Variants in UBE2U observed in about 807,000 individuals in gnomAD.
The protein encoded by UBE2U is ubiquitin conjugating enzyme E2 U, also known as ubiquitin-conjugating enzyme E2 U.
UBE2U carries 39 observed loss-of-function variants against 41.2 expected under a neutral mutation model. The observed-to-expected ratio is 0.95, with a 90% CI of 0.73 to 1.24. The LOEUF (loss-of-function observed/expected upper bound fraction) is 1.24. UBE2U is among the 50% of genes most tolerant of loss of function. UBE2U has a pLI of 0.00. For missense variants in UBE2U, 336 were observed against 363.1 expected, an observed-to-expected ratio of 0.93 and a Z score of 0.61; for synonymous variants, 107 against 117.8, an observed-to-expected ratio of 0.91 and a Z score of 0.60.
At chr1:64,214,151 C>T (rs1432008813) in intron 4 of UBE2U, among the ~76,000 whole-genome samples, 1 of 152,090 alleles carries the variant, frequency 6.6e-6, no homozygotes, top group East Asian at 1.9e-4. Context: ...TTCAGTATTC[C>T]TTTGAAGGTC....
intron 9 of UBE2U, among the ~76,000 whole-genome samples, chr1:64,261,763 G>A (rs1645183767): frequency 6.6e-6 from 1 of 152,100 alleles, no homozygotes; most frequent in Admixed American, 6.6e-5. Flanking sequence ...TGCAATCTCT[G>A]TCTTTCAACA....
chr1:64,256,103 T>C (rs1206372112), intron 8 of UBE2U, among the ~76,000 whole-genome samples: 1 of 152,046 alleles, frequency 6.6e-6, no homozygotes, highest in Non-Finnish European at 1.5e-5. Context: ...CACAAACCAC[T>C]GTTCAAAAAA....
At position 64,204,018 on chromosome 1, in the gene UBE2U, T is replaced by A; in HGVS notation, c.-33T>A. The stretch of plus-strand genomic sequence containing the variant: ...TGCCTCAGAGTAAACCTGAGGCATT[T>A]GGGGACAAGTGTCAGACCCTCCGCT... On this transcript the variant is annotated 5_prime_UTR_variant, in exon 1 of 10. Transcript: ENST00000371077. 1.9e-6 allele frequency: 3 copies of A among 1,605,342 alleles called. No homozygotes were observed. Among genetic ancestry groups the A allele is most frequent in the South Asian group, 2.2e-5 (2 of 89,860 alleles).
At chr1:64,258,253 T>C (rs1013241495) in intron 8 of UBE2U, among the ~76,000 whole-genome samples, 3 of 152,224 alleles carry the variant, frequency 2.0e-5, no homozygotes, top group Non-Finnish European at 4.4e-5. Context: ...TGGTGTTCAA[T>C]GAATATTTAT....
intron 7 of UBE2U, among the ~76,000 whole-genome samples, chr1:64,238,479 G>C (rs1644712191): frequency 6.6e-6 from 1 of 151,608 alleles, no homozygotes; most frequent in South Asian, 2.1e-4. Context: ...GAAATAATGA[G>C]ACCTCACAAG....
chr1:64,245,202 C>T (rs1644900360), intron 8 of UBE2U, among the ~76,000 whole-genome samples: 2 of 151,908 alleles, frequency 1.3e-5, no homozygotes, highest in South Asian at 2.1e-4. Context: ...TTTTTCTTTC[C>T]TATTGGCTTG....
At chr1:64,206,926 T>C (rs1651333795) in intron 3 of UBE2U, 70 bp downstream of exon 3, 1 of 914,240 alleles carries the variant, frequency 1.1e-6, no homozygotes, top group Admixed American at 2.7e-5. Flanking sequence ...ATAATAATCA[T>C]GTTTCTTTTT....
In UBE2U at chr1:64,205,736, A is replaced by T; in HGVS notation, c.148+16A>T. The T allele has an allele frequency of 6.2e-7, 1 of 1,604,576 alleles. No homozygotes were observed. Among genetic ancestry groups the T allele is most frequent in the Non-Finnish European group, 8.5e-7 (1 of 1,173,700 alleles). ...GTTTGGCAGGGTTTGTATTTTCAAA[A>T]CCAATCTATTTTTTAAAAAAGTCTT... On this transcript the variant is annotated intron_variant, in intron 2 of 9. Coordinates refer to ENST00000371077, the MANE Select transcript of UBE2U (RefSeq NM_001366232.2).
intron 6 of UBE2U, among the ~76,000 whole-genome samples, chr1:64,227,497 G>A (rs1652954376): frequency 6.6e-6 from 1 of 152,134 alleles, no homozygotes; most frequent in South Asian, 2.1e-4. Flanking sequence ...GATAGAAATT[G>A]AAATTTTAAA....
At chr1:64,261,986 A>G (rs1168094301) in intron 9 of UBE2U, among the ~76,000 whole-genome samples, 1 of 152,156 alleles carries the variant, frequency 6.6e-6, no homozygotes, top group Non-Finnish European at 1.5e-5. Context: ...ATGCTCTAAT[A>G]CTTGTCTCTG....
intron 6 of UBE2U, among the ~76,000 whole-genome samples, chr1:64,228,060 T>C (rs1027111793): frequency 2.0e-5 from 3 of 152,204 alleles, no homozygotes; most frequent in African/African-American, 4.8e-5. Flanking sequence ...TCTGGAAATT[T>C]GTAAGCAAGC....
intron 4 of UBE2U, 128 bp downstream of exon 4, chr1:64,210,967 A>T (rs1411524614): frequency 1.8e-6 from 1 of 550,086 alleles, no homozygotes. Flanking sequence ...ATTTAAATCC[A>T]TACTTCTATA....
intron 9 of UBE2U, among the ~76,000 whole-genome samples, chr1:64,261,255 A>G (rs1439134185): frequency 1.3e-5 from 2 of 152,148 alleles, no homozygotes; most frequent in Non-Finnish European, 2.9e-5. Context: ...GTTCTGTGCT[A>G]CTATGGAAAG....
intron 6 of UBE2U, among the ~76,000 whole-genome samples, chr1:64,227,695 G>A (rs991090446): frequency 2.0e-5 from 3 of 151,978 alleles, no homozygotes; most frequent in Non-Finnish European, 4.4e-5. Context: ...CCAGCTACTC[G>A]GGAGGCTGAG....
At chr1:64,209,516 T>C (rs986185983) in intron 3 of UBE2U, among the ~76,000 whole-genome samples, 1 of 152,174 alleles carries the variant, frequency 6.6e-6, no homozygotes, top group African/African-American at 2.4e-5. Context: ...AGGGGGACTT[T>C]TGTGGAGCCT....
chr1:64,262,986 G>T (rs1397327403), intron 9 of UBE2U, among the ~76,000 whole-genome samples: 1 of 152,160 alleles, frequency 6.6e-6, no homozygotes, highest in Non-Finnish European at 1.5e-5. Flanking sequence ...TAAATAGTAG[G>T]ATGAAGTAAA....
intron 5 of UBE2U, among the ~76,000 whole-genome samples, chr1:64,219,774 T>G (rs1487797522): frequency 6.6e-6 from 1 of 151,904 alleles, no homozygotes; most frequent in African/African-American, 2.4e-5. Flanking sequence ...TTTTTTGTAT[T>G]TTTTTAGTAG....
chr1:64,227,455 TTAAC>T (rs1652950451), intron 6 of UBE2U, among the ~76,000 whole-genome samples: 1 of 152,190 alleles, frequency 6.6e-6, no homozygotes, highest in African/African-American at 2.4e-5. Context: ...AGATTAAAAA[TTAAC>T]TATGTTTCTA....
Position 64,203,736 on chromosome 1 carries a change from A to AT in UBE2U, c.-314dup. The AT allele has an allele frequency of 3.7e-6, 1 of 269,250 alleles. No homozygotes were observed. Among genetic ancestry groups the AT allele is most frequent in the Admixed American group, 5.3e-5 (1 of 18,984 alleles). 16.7% of individuals were successfully genotyped at this position (269,250 alleles called of 1,614,324 possible). ...TCACTCCCACTCACGCGCCGACGAC[A>AT]TGGGCTTGTCTCCGTTACTCATCCA... On this transcript the variant is annotated 5_prime_UTR_variant, in exon 1 of 10. It removes an upstream start codon present in the reference 5' UTR. Transcript: ENST00000371077.
Sources: allele counts gnomAD v4.1 joint callset (sites outside exome capture counted in the v4.1 genomes callset), GRCh38; gene constraint gnomAD v4.1.1; transcripts MANE v1.5; gene names NCBI Gene and HGNC (gene_info 2026-07-23, HGNC 2026-07-21).